Variants in MIER3 observed in about 807,000 individuals in gnomAD.
The protein encoded by MIER3 is mesoderm induction early response protein 3.
Under a neutral mutation model 63.2 loss-of-function variants are expected in MIER3, and 9 were observed. The ratio of observed to expected loss-of-function variants is 0.14; its 90% CI spans 0.09 to 0.25. The LOEUF (loss-of-function observed/expected upper bound fraction) is 0.25, where lower values mean the gene tolerates loss of function less well. Among genes scored for constraint, MIER3 ranks in the 10% least tolerant of loss-of-function variants. MIER3 has a pLI of 1.00. For synonymous variants in MIER3, 205 were observed against 224.9 expected (o/e 0.91, Z 0.79); for missense variants, 512 against 666.2 (o/e 0.77, Z 2.55).
intron 1 of MIER3, 81 bp from the exon 2 acceptor site, chr5:56,950,733 G>A (rs1016980344): frequency 6.7e-7 from 1 of 1,497,300 alleles, no homozygotes; most frequent in African/African-American, 1.4e-5. Context: ...CGCAGAGGAG[G>A]CGGAGTCGAG....
Position 56,923,344 on chromosome 5 carries a change from T to G in MIER3, c.1437A>C (p.Ala479=), listed in dbSNP as rs1329941600. 6.2e-7 allele frequency: 1 copy of G among 1,614,092 alleles called. No individual in the cohort carries two copies. The highest frequency in any genetic ancestry group is 2.2e-5 in the East Asian group (1 of 44,900). Residue 479 remains alanine (A), a synonymous_variant, in exon 13 of 13, where the codon GCA becomes GCC. Transcript: ENST00000381199. ...CGGCAATGCCCATTTTCAATCTTTT[T>G]GCTGGTCTCTCTGACTCTTCACTGC... is the stretch of plus-strand genomic sequence containing the variant. ...NMCSEESERP[A]KRLKMGIAVP... is the part of the protein sequence containing the mutation.
In MIER3 at chr5:56,937,588, C is replaced by A; in HGVS notation, c.426G>T (p.Arg142Ser). The change falls in exon 5 of 13, where the codon AGG becomes AGT. Residue 142 changes from arginine to serine, a missense_variant. Physicochemically the swap from Arg to Ser is moderately radical, Grantham distance 110. Around this residue, in one of 5 missense-constraint regions of MIER3, gnomAD observed 44 missense variants for 87.6 expected, o/e 0.50. Transcript: ENST00000381199. ...TSHETSDFFP[R>S]PLRSNTACDG... Reference sequence around the variant, plus strand: ...CACTGGGTTTCTTACATCGTAAAGGCCTAGGGAAGAAATCAGAAGTTTCAT... The same window carrying A: ...CACTGGGTTTCTTACATCGTAAAGGACTAGGGAAGAAATCAGAAGTTTCAT... 2 of 1,607,696 alleles carry A rather than the reference C, an allele frequency of 1.2e-6. No homozygotes were observed. The highest frequency in any genetic ancestry group is 1.7e-5 in the Admixed American group (1 of 59,254).
chr5:56,943,951 T>A (rs1750739272), intron 3 of MIER3, among the ~76,000 whole-genome samples: 1 of 152,132 alleles, frequency 6.6e-6, no homozygotes, highest in Non-Finnish European at 1.5e-5. Context: ...GTTCTGTAAG[T>A]CAAAGGATTT....
At chr5:56,946,393 T>C (rs554220688) in intron 3 of MIER3, among the ~76,000 whole-genome samples, 3 of 152,278 alleles carry the variant, frequency 2.0e-5, no homozygotes, top group East Asian at 3.9e-4. Flanking sequence ...CTTAAAAAAT[T>C]ACAAACTACA....
At chr5:56,927,830 G>C (rs1750069703) in intron 10 of MIER3, 1 of 152,144 alleles carries the variant, frequency 6.6e-6, no homozygotes, top group Non-Finnish European at 1.5e-5. Context: ...ATCATACAGG[G>C]TAGTTTCATT....
chr5:56,941,842 T>A (rs1750656475), intron 3 of MIER3, among the ~76,000 whole-genome samples: 2 of 151,980 alleles, frequency 1.3e-5, no homozygotes, highest in South Asian at 2.1e-4. Context: ...AGGGTACTGA[T>A]ACACAAGAGG....
Position 56,952,091 on chromosome 5 carries a change from C to T in MIER3, c.9+3G>A. 1 of 1,305,256 alleles carries T rather than the reference C, an allele frequency of 7.7e-7. No homozygotes were observed. 80.9% of individuals were successfully genotyped at this position (1,305,256 alleles called of 1,614,324 possible). Reference sequence around the variant, plus strand: ...GCTGCTCCTGCCCGGTTTCCCTGCTCACCTCCGCCATATTGGTACCTTTAG... The same window carrying T: ...GCTGCTCCTGCCCGGTTTCCCTGCTTACCTCCGCCATATTGGTACCTTTAG... On this transcript the variant is annotated splice_donor_region_variant and intron_variant, in intron 1 of 12. Coordinates refer to ENST00000381199, the MANE Select transcript of MIER3 (RefSeq NM_001297599.2).
intron 3 of MIER3, among the ~76,000 whole-genome samples, chr5:56,942,026 C>T: frequency 6.6e-6 from 1 of 150,936 alleles, no homozygotes; most frequent in East Asian, 1.9e-4. Flanking sequence ...AAGAAAAAAA[C>T]AACAACAACA....
intron 3 of MIER3, chr5:56,941,155 G>C (rs1186153155): frequency 3.0e-6 from 3 of 985,044 alleles, no homozygotes; most frequent in Non-Finnish European, 3.6e-6. Flanking sequence ...CTTAGTGGGA[G>C]TAAGTCTCAA....
At chr5:56,934,964 T>C (rs1278157567) in intron 7 of MIER3, among the ~76,000 whole-genome samples, 2 of 152,252 alleles carry the variant, frequency 1.3e-5, no homozygotes, top group Admixed American at 6.5e-5. Flanking sequence ...ATTAGGAGTA[T>C]ACAAGTGAAA....
intron 3 of MIER3, among the ~76,000 whole-genome samples, chr5:56,946,047 G>A (rs1750814249): frequency 6.6e-6 from 1 of 152,080 alleles, no homozygotes; most frequent in African/African-American, 2.4e-5. Flanking sequence ...CAGAGCAAGT[G>A]GGCAGTTAAG....
chr5:56,941,406 A>G (rs2112131422), intron 3 of MIER3: 1 of 152,570 alleles, frequency 6.6e-6, no homozygotes, highest in East Asian at 1.9e-4. Context: ...CCTGAGATAC[A>G]GAGTAACACT....
intron 2 of MIER3, among the ~76,000 whole-genome samples, chr5:56,949,516 A>T (rs1350210812): frequency 6.6e-6 from 1 of 152,198 alleles, no homozygotes; most frequent in Non-Finnish European, 1.5e-5. Context: ...TATAACAAAA[A>T]AGTTCATCTC....
chr5:56,944,220 C>T (rs1423660493), intron 3 of MIER3, among the ~76,000 whole-genome samples: 2 of 152,080 alleles, frequency 1.3e-5, no homozygotes, highest in African/African-American at 4.8e-5. Flanking sequence ...GCCTGTAATC[C>T]CAGCACTTTG....
At chr5:56,938,849 A>T (rs1561241040) in intron 4 of MIER3, 34 bp downstream of exon 4, 8 of 1,604,468 alleles carry the variant, frequency 5.0e-6, no homozygotes, top group Non-Finnish European at 6.8e-6. Context: ...ATGGTAACAG[A>T]CCCTGAATTT....
rs950700626 is a variant in MIER3, at chr5:56,922,797, T to C, written c.*331A>G. 2 of 269,526 alleles carry C rather than the reference T, an allele frequency of 7.4e-6. No homozygotes were observed. The highest frequency in any genetic ancestry group is 2.2e-5 in the African/African-American group (1 of 46,152). The allele number at this position is 269,526 out of a possible 1,614,324, so 16.7% of individuals were successfully genotyped here. A position where few individuals can be genotyped will look rare whatever the true frequency, so the allele number is the denominator to read the frequency against. On this transcript the variant is annotated 3_prime_UTR_variant, in exon 13 of 13. Coordinates refer to ENST00000381199, the MANE Select transcript of MIER3 (RefSeq NM_001297599.2). ...GGCCTCTGTCTACAGGTTTTAAAAT[T>C]GGGAGTGAGGGCAGTGGGGAACACA...
intron 3 of MIER3, chr5:56,941,157 A>G (rs1391999297): frequency 1.0e-6 from 1 of 985,246 alleles, no homozygotes; most frequent in Non-Finnish European, 1.2e-6. Context: ...TAGTGGGAGT[A>G]AGTCTCAAAG....
intron 9 of MIER3, chr5:56,929,066 C>A: frequency 2.1e-6 from 1 of 466,718 alleles, no homozygotes; most frequent in Admixed American, 3.7e-5. Context: ...CAAAAGCATG[C>A]ATACTACAGT....
chr5:56,934,197 A>AAC (rs946214114), intron 7 of MIER3, among the ~76,000 whole-genome samples: 20 of 152,124 alleles, frequency 1.3e-4, no homozygotes, highest in Non-Finnish European at 2.6e-4. Flanking sequence ...ATTTACCGAG[A>AAC]ACACACTACC....
Sources: gnomAD v4.1 joint callset for allele counts (sites outside exome capture counted in the v4.1 genomes callset) on GRCh38, gnomAD v4.1.1 for gene constraint, gnomAD v4.1.1 regional missense constraint, MANE v1.5 for transcripts, NCBI Gene and HGNC (gene_info 2026-07-23, HGNC 2026-07-21) for gene names.